The following TDRD9 variants were observed in gnomAD, a reference collection of about 807,000 sequenced individuals.
TDRD9 encodes the protein ATP-dependent RNA helicase TDRD9.
A neutral mutation model predicts 172.6 loss-of-function variants in TDRD9; 124 were observed. That is an observed-to-expected ratio of 0.72 (90% CI 0.62 to 0.83). The LOEUF is 0.83. TDRD9 is among the 40% of genes least tolerant of loss of function. The pLI is 0.00. For synonymous variants in TDRD9, 619 were observed against 617.1 expected, an observed-to-expected ratio of 1.00 and a Z score of -0.05; for missense variants, 1,479 against 1,714.1, an observed-to-expected ratio of 0.86 and a Z score of 2.42.
chr14:104,049,385 A>G (rs2035877031), intron 34 of TDRD9: 1 of 348,004 alleles, frequency 2.9e-6, no homozygotes, highest in Non-Finnish European at 5.2e-6. Context: ...TAGAGACAAG[A>G]CTAGGTCTTA....
At chr14:103,964,955 C>G (rs1223498229) in intron 3 of TDRD9, among the ~76,000 whole-genome samples, 1 of 152,078 alleles carries the variant, frequency 6.6e-6, no homozygotes, top group Non-Finnish European at 1.5e-5. Flanking sequence ...TGCTGGTAAT[C>G]CCAGCAATTT....
At chr14:103,999,643 A>ACATTTAATCTTTTAATCTTAC in intron 13 of TDRD9, among the ~76,000 whole-genome samples, 1 of 130,572 alleles carries the variant, frequency 7.7e-6, no homozygotes, top group Admixed American at 7.5e-5. Flanking sequence ...TGTTTTTTAG[A>ACATTTAATCTTTTAATCTTAC]AAACCTTTTG....
Position 104,042,792 on chromosome 14 carries a change from C to T in TDRD9, c.3974+605C>T, listed in dbSNP as rs906638612. Among the ~76,000 whole-genome samples the T allele has an allele frequency of 2.6e-4, 40 of 152,224 alleles. 1 individual carries two copies. Among genetic ancestry groups the T allele is most frequent in the Non-Finnish European group, 1.5e-4 (10 of 68,008 alleles). ...AGAGCCAGTCTCCCTGGGAAGGGCC[C>T]GGTCCTTCCTTGCCTGACAGTGTCC... On this transcript the variant is annotated intron_variant, in intron 34 of 35. Coordinates refer to ENST00000409874, the MANE Select transcript of TDRD9 (RefSeq NM_153046.3).
At position 104,038,499 on chromosome 14, in the gene TDRD9, A is replaced by G. The variant is rs376128037; in HGVS notation, c.3717-1697A>G. The stretch of plus-strand genomic sequence containing the variant: ...CAATGTTGGGGCCTCCAGCTGAAGG[A>G]TTTGGAGGCTGGTGGGTGTCCAGGC... On this transcript the variant is annotated intron_variant, in intron 32 of 35. Transcript: ENST00000409874. Among the ~76,000 whole-genome samples, 77 of 152,172 alleles carry G rather than the reference A, an allele frequency of 5.1e-4. No homozygotes were observed. In the Middle Eastern group the frequency reaches 0.01, roughly 20 times the overall value.
intron 13 of TDRD9, among the ~76,000 whole-genome samples, chr14:104,002,370 A>C (rs1006450350): frequency 6.6e-6 from 1 of 151,784 alleles, no homozygotes; most frequent in African/African-American, 2.4e-5. Context: ...AATTTAACAG[A>C]GTTTTAAAGA....
At position 104,014,855 on chromosome 14, in the gene TDRD9, T is replaced by G. The variant is rs2034736990; in HGVS notation, c.2223+14T>G. On this transcript the variant is annotated intron_variant, in intron 21 of 35. Transcript: ENST00000409874. ...TTCATCCTACAGGTGTGCTGAAGTT[T>G]CCTGGATATTTTTTTTCCTGATTCT... 1.4e-6 allele frequency: 2 copies of G among 1,470,430 alleles called. No homozygotes were observed. Among genetic ancestry groups the G allele is most frequent in the Non-Finnish European group, 1.9e-6 (2 of 1,075,428 alleles). The allele number at this position is 1,470,430 out of a possible 1,614,324, so 91.1% of individuals were successfully genotyped here. A position where few individuals can be genotyped will look rare whatever the true frequency, so the allele number is the denominator to read the frequency against.
intron 1 of TDRD9, among the ~76,000 whole-genome samples, chr14:103,937,642 A>G (rs957530630): frequency 6.6e-6 from 1 of 152,086 alleles, no homozygotes; most frequent in African/African-American, 2.4e-5. Context: ...GGGGGACCAG[A>G]ATGATTCTGA....
chr14:103,988,957 TTC>T (rs2033774407), intron 8 of TDRD9, among the ~76,000 whole-genome samples: 1 of 152,186 alleles, frequency 6.6e-6, no homozygotes, highest in African/African-American at 2.4e-5. Flanking sequence ...CCTTTACCAG[TTC>T]TCTTTCTTTG....
chr14:104,015,213 G>T (rs1392725393), intron 21 of TDRD9, among the ~76,000 whole-genome samples: 1 of 152,090 alleles, frequency 6.6e-6, no homozygotes, highest in Non-Finnish European at 1.5e-5. Flanking sequence ...AGTGTATATA[G>T]CTATTCCCCT....
intron 1 of TDRD9, among the ~76,000 whole-genome samples, chr14:103,934,580 C>G (rs1355488357): frequency 2.0e-5 from 3 of 152,128 alleles, no homozygotes; most frequent in Non-Finnish European, 4.4e-5. Context: ...AGATGGAGAC[C>G]ATCCTGGCTA....
chr14:104,005,506 C>T (rs1390649389), intron 15 of TDRD9, 101 bp downstream of exon 15: 1 of 1,295,494 alleles, frequency 7.7e-7, no homozygotes, highest in Admixed American at 2.0e-5. Context: ...TCTGATCCTC[C>T]CGCCTCACTT....
At chr14:103,939,370 C>G (rs1181049230) in intron 1 of TDRD9, among the ~76,000 whole-genome samples, 1 of 152,172 alleles carries the variant, frequency 6.6e-6, no homozygotes, top group African/African-American at 2.4e-5. Context: ...ACGTTTGCTA[C>G]TTACTGTATT....
rs1460628574 is a variant in TDRD9, at chr14:104,031,230, T to C, written c.3405T>C (p.Phe1135=). The part of the protein sequence containing the change: ...KYLIRILLES[F]STNKLGTPNC... ...TCATCCGGATTTTGTTAGAGAGCTT[T>C]TCTACCAATAAACTGGGTACTCCAA... The change falls in exon 29 of 36, where the codon TTT becomes TTC. Residue 1135 remains phenylalanine (F), a synonymous_variant. Transcript: ENST00000409874. 6.4e-7 allele frequency: 1 copy of C among 1,551,932 alleles called. No individual in the cohort carries two copies. The highest frequency in any genetic ancestry group is 8.7e-7 in the Non-Finnish European group (1 of 1,146,996).
rs74635937 is a variant in TDRD9, at chr14:103,971,934, T to C, written c.846+1313T>C. On this transcript the variant is annotated intron_variant, in intron 6 of 35. Transcript: ENST00000409874. The stretch of plus-strand genomic sequence containing the variant: ...AGTTTGGGGGGCAAAGGTGGGCAGA[T>C]TGCTTGAGCCCAAGGAGATCAAGAC... 1.9e-3 allele frequency among the ~76,000 whole-genome samples: 289 copies of C among 152,190 alleles called. 1 individual carries two copies. The highest frequency in any genetic ancestry group is 6.8e-3 in the African/African-American group (281 of 41,530).
chr14:104,049,951 G>T (rs2035894191), intron 35 of TDRD9: 1 of 401,522 alleles, frequency 2.5e-6, no homozygotes, highest in Non-Finnish European at 4.5e-6. Context: ...TGAGGGTCTG[G>T]ATTGAACCTT....
intron 20 of TDRD9, among the ~76,000 whole-genome samples, 178 bp downstream of exon 20, chr14:104,008,644 T>C (rs2034518786): frequency 6.6e-6 from 1 of 152,250 alleles, no homozygotes; most frequent in African/African-American, 2.4e-5. Flanking sequence ...TCAGTAGAAC[T>C]ACTTGGGTTT....
At chr14:103,985,326 A>G (rs1192188224) in intron 7 of TDRD9, among the ~76,000 whole-genome samples, 2 of 152,188 alleles carry the variant, frequency 1.3e-5, no homozygotes, top group Non-Finnish European at 2.9e-5. Flanking sequence ...TCATGGGGGT[A>G]GGTCCTTCCT....
intron 24 of TDRD9, among the ~76,000 whole-genome samples, chr14:104,023,183 TCAAAAAAAAAAAAAAAAAA>T (rs1271836417): frequency 2.2e-5 from 1 of 45,130 alleles, no homozygotes; most frequent in Non-Finnish European, 3.3e-5. Flanking sequence ...AGACTCCGTC[TCAAAAAAAAAAAAAAAAAA>T]AAAAAAAAAA....
Position 103,986,325 on chromosome 14 carries a change from G to T in TDRD9, c.1115+5G>T. On this transcript the variant is annotated splice_donor_5th_base_variant and intron_variant, in intron 8 of 35. Transcript: ENST00000409874. Reference sequence around the variant, plus strand: ...CTTGGATATGAAGGAGAGTGGGTAAGAGATACTTCAGTTGGTAATGCACTT... The same window carrying T: ...CTTGGATATGAAGGAGAGTGGGTAATAGATACTTCAGTTGGTAATGCACTT... 6.3e-7 allele frequency: 1 copy of T among 1,588,264 alleles called. No homozygotes were observed. The highest frequency in any genetic ancestry group is 1.1e-5 in the South Asian group (1 of 88,624).
Sources: gnomAD v4.1 joint callset for allele counts (sites outside exome capture counted in the v4.1 genomes callset) on GRCh38, gnomAD v4.1.1 for gene constraint, MANE v1.5 for transcripts, NCBI Gene and HGNC (gene_info 2026-07-23, HGNC 2026-07-21) for gene names.